DCLRE1C: variants seen among roughly 807,000 people sequenced by gnomAD.
DCLRE1C encodes the protein protein artemis.
DCLRE1C carries 47 observed loss-of-function variants against 61.4 expected under a neutral mutation model. That is an observed-to-expected ratio of 0.77 (90% confidence interval 0.61 to 0.98). The LOEUF is 0.98. Ranked by LOEUF, DCLRE1C falls within the 50% of genes least tolerant of loss-of-function variation. The pLI is 0.00. For synonymous variants in DCLRE1C, 337 were observed against 287.6 expected, an observed-to-expected ratio of 1.17 and a Z score of -1.74; for missense variants, 858 against 816.0, an observed-to-expected ratio of 1.05 and a Z score of -0.63.
chr10:14,937,439 C>A (rs1432505791), intron 4 of DCLRE1C, among the ~76,000 whole-genome samples: 1 of 151,972 alleles, frequency 6.6e-6, no homozygotes, highest in Admixed American at 6.6e-5. Flanking sequence ...CCTGCCATCA[C>A]GCCTGGCTAA....
intron 11 of DCLRE1C, chr10:14,923,428 T>C (rs1837460861): frequency 3.7e-6 from 1 of 269,538 alleles, no homozygotes; most frequent in African/African-American, 2.2e-5. Context: ...GTCAGTTGCT[T>C]ATGTTTAACA....
chr10:14,924,723 C>T (rs1455167664), intron 11 of DCLRE1C, among the ~76,000 whole-genome samples: 3 of 151,566 alleles, frequency 2.0e-5, no homozygotes, highest in Admixed American at 6.6e-5. Context: ...TCGTGGGCGC[C>T]GTAGTCCCAG....
intron 1 of DCLRE1C, among the ~76,000 whole-genome samples, chr10:14,951,954 C>A: frequency 6.6e-6 from 1 of 152,118 alleles, no homozygotes; most frequent in Non-Finnish European, 1.5e-5. Flanking sequence ...ATGTGAGAAA[C>A]CTCCAAAAGC....
rs1554800030 is a variant in DCLRE1C, at chr10:14,948,770, T to TATATATATATA, written c.161+265_161+266insTATATATATAT. On this transcript the variant is annotated intron_variant, in intron 2 of 13. Transcript: ENST00000378278. Reference sequence around the variant, plus strand: ...TTTTTAGAGAGTGTATTTGGTAGGATTATATATATATATATATATATCAAG... The same window carrying TATATATATATA: ...TTTTTAGAGAGTGTATTTGGTAGGATATATATATATATATATATATATATATATATATCAAG... Among the ~76,000 whole-genome samples, 1,239 of 143,622 alleles carry TATATATATATA rather than the reference T, an allele frequency of 8.6e-3. 31 individuals are homozygous for TATATATATATA. The highest frequency in any genetic ancestry group is 0.03 in the African/African-American group (1,154 of 38,424). The allele number at this position is 143,622 out of a possible 152,430, so 94.2% of individuals were successfully genotyped here.
At chr10:14,932,764 A>G in intron 9 of DCLRE1C, 90 bp downstream of exon 9, 1 of 1,469,648 alleles carries the variant, frequency 6.8e-7, no homozygotes, top group South Asian at 1.1e-5. Flanking sequence ...TTACATTTGT[A>G]AAGCGAAGAG....
At chr10:14,939,726 C>T in intron 4 of DCLRE1C, 84 bp downstream of exon 4, 2 of 1,197,230 alleles carry the variant, frequency 1.7e-6, no homozygotes, top group Non-Finnish European at 2.4e-6. Context: ...GGTGGAGCAT[C>T]TGACTGCAAA....
At chr10:14,899,874 G>A (rs1833875635), downstream of DCLRE1C, among the ~76,000 whole-genome samples, 2 of 152,188 alleles carry the variant, frequency 1.3e-5, no homozygotes, top group Non-Finnish European at 2.9e-5. Context: ...ACATTGAGGT[G>A]CCTACCAAAT....
At chr10:14,912,538 T>C (rs1291735774) in intron 13 of DCLRE1C, among the ~76,000 whole-genome samples, 1 of 152,136 alleles carries the variant, frequency 6.6e-6, no homozygotes, top group African/African-American at 2.4e-5. Context: ...CATCAGCTGG[T>C]GAGTGGATAA....
upstream of DCLRE1C, chr10:14,954,167 A>C: frequency 1.5e-6 from 2 of 1,309,006 alleles, no homozygotes; most frequent in Non-Finnish European, 2.1e-6. Context: ...ACCGGGGGCA[A>C]AGTCAAGGAG....
At chr10:14,946,667 A>ATT (rs34082024) in intron 2 of DCLRE1C, among the ~76,000 whole-genome samples, 33 of 148,898 alleles carry the variant, frequency 2.2e-4, no homozygotes, top group South Asian at 4.3e-4. Context: ...CGCTAAAGAG[A>ATT]TTTTTTTTTT....
chr10:14,923,214 A>T, intron 11 of DCLRE1C, 145 bp from the exon 12 acceptor site: 1 of 668,728 alleles, frequency 1.5e-6, no homozygotes, highest in South Asian at 1.6e-5. Context: ...ATCACCAGGG[A>T]CCTCTTGGGA....
chr10:14,934,374 C>G lies in DCLRE1C; in HGVS notation c.678+6G>C. The G allele has an allele frequency of 2.5e-6, 4 of 1,613,576 alleles. No homozygotes were observed. The highest frequency in any genetic ancestry group is 2.5e-6 in the Non-Finnish European group (3 of 1,179,892). On this transcript the variant is annotated splice_donor_region_variant and intron_variant, in intron 8 of 13. Transcript: ENST00000378278. ...AAGAAAAGAAAAGAATGAACAGTCACCATACCTGGACTCCTAATTCTTCAC... is the reference window on the plus strand; with the variant it reads ...AAGAAAAGAAAAGAATGAACAGTCAGCATACCTGGACTCCTAATTCTTCAC...
chr10:14,937,020 C>T (rs1185510516), intron 4 of DCLRE1C, among the ~76,000 whole-genome samples: 2 of 152,160 alleles, frequency 1.3e-5, no homozygotes, highest in Non-Finnish European at 2.9e-5. Flanking sequence ...TCCTTGAAAA[C>T]ATCCTCAGTG....
intron 13 of DCLRE1C, among the ~76,000 whole-genome samples, chr10:14,914,148 A>G (rs1835768634): frequency 1.3e-5 from 2 of 152,244 alleles, no homozygotes; most frequent in African/African-American, 4.8e-5. Context: ...CATACTGCTT[A>G]CAAGAAACCC....
Position 14,909,109 on chromosome 10 carries a change from C to T in DCLRE1C, c.1378G>A (p.Glu460Lys), listed in dbSNP as rs1215499862. Residue 460 changes from glutamate to lysine, a missense_variant, in exon 14 of 14, where the codon GAA (glutamate) becomes AAA (lysine). Transcript: ENST00000378278. ...VDCEESNSES[E>K]EEVGIPASLQ... ...GAAGCTGGGATTCCTACTTCTTCTT[C>T]ACTTTCACTGTTGGATTCTTCACAA... 5 of 1,614,114 alleles carry T rather than the reference C, an allele frequency of 3.1e-6. No homozygotes were observed. The African/African-American group carries it at 6.7e-5, about 22-fold the overall frequency.
intron 8 of DCLRE1C, among the ~76,000 whole-genome samples, chr10:14,933,863 T>C (rs1327968427): frequency 5.9e-5 from 9 of 152,198 alleles, no homozygotes; most frequent in African/African-American, 2.2e-4. Flanking sequence ...CTGTCAATTT[T>C]CTCCCAGGAG....
rs41297028 is a variant in DCLRE1C at position 14,934,979 on chromosome 10, C to T, written c.465-204G>A. Among the ~76,000 whole-genome samples, 1,424 of 152,038 alleles carry T rather than the reference C, an allele frequency of 9.4e-3. 21 individuals carry two copies. Among genetic ancestry groups the T allele is most frequent in the African/African-American group, 0.032 (1,310 of 41,492 alleles). ...CTGGGATCATGGGTTTGTGCCACCA[C>T]ACCTTGCTAATTTTTGTATTTTTTA... is the stretch of plus-strand genomic sequence containing the variant. On this transcript the variant is annotated intron_variant, in intron 6 of 13. Transcript: ENST00000378278.
chr10:14,915,958 A>G (rs1440996528), intron 13 of DCLRE1C, among the ~76,000 whole-genome samples: 1 of 152,208 alleles, frequency 6.6e-6, no homozygotes, highest in Admixed American at 6.5e-5. Flanking sequence ...ACACTCAAAA[A>G]TCAGTGTATG....
chr10:14,901,312 T>A, downstream of DCLRE1C: 1 of 1,608,988 alleles, frequency 6.2e-7, no homozygotes, highest in Non-Finnish European at 8.5e-7. Context: ...ATATGAAGAA[T>A]CAAATCAGAC....
Sources: allele counts gnomAD v4.1 joint callset (sites outside exome capture counted in the v4.1 genomes callset), GRCh38; gene constraint gnomAD v4.1.1; transcripts MANE v1.5; gene names NCBI Gene and HGNC (gene_info 2026-07-23, HGNC 2026-07-21).